Variants in CDCP1 observed in about 807,000 individuals in gnomAD.
CDCP1 encodes CUB domain-containing protein 1.
In CDCP1, 29 loss-of-function variants were observed where a neutral mutation model predicts 60.2. The ratio of observed to expected loss-of-function variants is 0.48; its 90% confidence interval spans 0.36 to 0.66. CDCP1 has a LOEUF of 0.66. CDCP1 is among the 30% of genes least tolerant of loss of function. The pLI is 0.00. For synonymous variants in CDCP1, 387 were observed against 431.1 expected (o/e 0.90, Z 1.27); for missense variants, 876 against 1,074.3 (o/e 0.82, Z 2.58).
chr3:45,134,604 T>C (rs1289349497), intron 1 of CDCP1, among the ~76,000 whole-genome samples: 1 of 152,190 alleles, frequency 6.6e-6, no homozygotes, highest in African/African-American at 2.4e-5. Context: ...GTTGCTGTTG[T>C]TGTGTCCAGC....
intron 7 of CDCP1, among the ~76,000 whole-genome samples, chr3:45,090,466 C>T (rs1322234515): frequency 3.3e-5 from 5 of 152,310 alleles, no homozygotes; most frequent in African/African-American, 1.2e-4. Context: ...AAACCATGTA[C>T]CTGTCAGACT....
chr3:45,127,962 G>A (rs1479264069), intron 1 of CDCP1, among the ~76,000 whole-genome samples: 1 of 152,148 alleles, frequency 6.6e-6, no homozygotes, highest in Non-Finnish European at 1.5e-5. Flanking sequence ...CAGGGCAGGT[G>A]ACCATCCCAT....
intron 4 of CDCP1, among the ~76,000 whole-genome samples, chr3:45,096,780 T>C (rs964163172): frequency 6.6e-6 from 1 of 152,052 alleles, no homozygotes; most frequent in Non-Finnish European, 1.5e-5. Flanking sequence ...TACAGACTTA[T>C]GTATGCAGAT....
In CDCP1 at chr3:45,146,290, C is replaced by G. The variant is rs1255086385; in HGVS notation, c.-3G>C. 2 of 1,570,984 alleles carry G rather than the reference C, an allele frequency of 1.3e-6. No individual in the cohort carries two copies. Among genetic ancestry groups the G allele is most frequent in the African/African-American group, 1.4e-5 (1 of 70,652 alleles). On this transcript the variant is annotated 5_prime_UTR_variant, in exon 1 of 9. Transcript: ENST00000296129. Reference sequence around the variant, plus strand: ...ACCCCGCAGTTCAGGCCGGCCATGACTCCGGGACGCCTCGGCCTCGGTGGG... The same window carrying G: ...ACCCCGCAGTTCAGGCCGGCCATGAGTCCGGGACGCCTCGGCCTCGGTGGG...
At chr3:45,095,084 C>A (rs544972546) in intron 5 of CDCP1, among the ~76,000 whole-genome samples, 3 of 152,206 alleles carry the variant, frequency 2.0e-5, no homozygotes, top group African/African-American at 7.2e-5. Flanking sequence ...TAGGCGCCTG[C>A]CACCATGCCC....
intron 1 of CDCP1, among the ~76,000 whole-genome samples, chr3:45,119,524 G>A (rs564721021): frequency 6.6e-6 from 1 of 152,298 alleles, no homozygotes; most frequent in East Asian, 1.9e-4. Context: ...CCTGTGGAGG[G>A]AGCCTAGGGG....
chr3:45,096,486 G>T (rs1698400678), intron 4 of CDCP1, among the ~76,000 whole-genome samples: 1 of 151,844 alleles, frequency 6.6e-6, no homozygotes, highest in African/African-American at 2.4e-5. Context: ...TTAGCTGGGT[G>T]TGGTGGTACA....
chr3:45,127,708 G>A (rs1249358318), intron 1 of CDCP1, among the ~76,000 whole-genome samples: 1 of 152,140 alleles, frequency 6.6e-6, no homozygotes, highest in East Asian at 1.9e-4. Context: ...GACCTGCCAG[G>A]ACCTGCCAAT....
At chr3:45,110,883 T>A (rs940171726) in intron 3 of CDCP1, 42 bp from the exon 4 acceptor site, 4 of 1,577,610 alleles carry the variant, frequency 2.5e-6, no homozygotes, top group Non-Finnish European at 3.4e-6. Context: ...TAGGGAGCCA[T>A]TAGACCCTGT....
Position 45,085,637 on chromosome 3 carries a change from G to A in CDCP1, c.*1C>T. Reference sequence around the variant, plus strand: ...CAGCAAAGCGTCTGGAATGGATCAAGTTATTCTGCTGGCTCCATGGGCTCC... The same window carrying A: ...CAGCAAAGCGTCTGGAATGGATCAAATTATTCTGCTGGCTCCATGGGCTCC... On this transcript the variant is annotated 3_prime_UTR_variant, in exon 9 of 9. Transcript: ENST00000296129. This position sits in a 1 kb window ranked among gnomAD's most constrained non-coding sequence, Gnocchi z 4.2. 1.2e-6 allele frequency: 2 copies of A among 1,609,490 alleles called. No individual in the cohort carries two copies. Among genetic ancestry groups the A allele is most frequent in the Non-Finnish European group, 1.7e-6 (2 of 1,176,766 alleles).
intron 4 of CDCP1, among the ~76,000 whole-genome samples, chr3:45,103,747 C>T (rs1698520669): frequency 6.6e-6 from 1 of 152,204 alleles, no homozygotes; most frequent in South Asian, 2.1e-4. Flanking sequence ...TTCACACATG[C>T]CCGTTTCCCT....
chr3:45,130,247 G>A (rs2126005828), intron 1 of CDCP1, among the ~76,000 whole-genome samples: 4 of 151,304 alleles, frequency 2.6e-5, no homozygotes, highest in Middle Eastern at 6.8e-3. Context: ...TCAGTCTCCT[G>A]GATAGCTGGG....
At chr3:45,087,592 A>G (rs932031910) in intron 8 of CDCP1, among the ~76,000 whole-genome samples, 1 of 152,192 alleles carries the variant, frequency 6.6e-6, no homozygotes, top group Non-Finnish European at 1.5e-5. Context: ...CATGTGTTAT[A>G]GGTACAGCCA....
At chr3:45,137,491 C>T (rs1194259104) in intron 1 of CDCP1, among the ~76,000 whole-genome samples, 1 of 151,938 alleles carries the variant, frequency 6.6e-6, no homozygotes, top group African/African-American at 2.4e-5. Flanking sequence ...CAAGATGATC[C>T]AAGCATTGTT....
At chr3:45,101,554 T>C (rs907466379) in intron 4 of CDCP1, among the ~76,000 whole-genome samples, 1 of 152,140 alleles carries the variant, frequency 6.6e-6, no homozygotes, top group Non-Finnish European at 1.5e-5. Flanking sequence ...TTCAAGATGA[T>C]AGTGAAGCTG....
At chr3:45,088,834 A>G (rs1322386363) in intron 8 of CDCP1, among the ~76,000 whole-genome samples, 2 of 152,132 alleles carry the variant, frequency 1.3e-5, no homozygotes, top group Non-Finnish European at 2.9e-5. Context: ...AACTACATAC[A>G]GGTGAAAATG....
Position 45,128,399 on chromosome 3 carries a change from C to T in CDCP1, c.83-9778G>A, listed in dbSNP as rs144294271. 2.2e-3 allele frequency among the ~76,000 whole-genome samples: 328 copies of T among 152,320 alleles called. 1 individual carries two copies. The highest frequency in any genetic ancestry group is 7.2e-3 in the African/African-American group (299 of 41,564). On this transcript the variant is annotated intron_variant, in intron 1 of 8. Transcript: ENST00000296129. Reference sequence around the variant, plus strand: ...GCTGGCATACAAAGATGAACAAGGCCGGGCTCCAACTTCCAGAATTATATC... The same window carrying T: ...GCTGGCATACAAAGATGAACAAGGCTGGGCTCCAACTTCCAGAATTATATC...
At chr3:45,111,440 C>G (rs1383109884) in intron 3 of CDCP1, among the ~76,000 whole-genome samples, 1 of 152,172 alleles carries the variant, frequency 6.6e-6, no homozygotes, top group African/African-American at 2.4e-5. Context: ...CTTTGGGAGG[C>G]CAAGGCAGGA....
intron 2 of CDCP1, among the ~76,000 whole-genome samples, chr3:45,116,780 C>G (rs1242851684): frequency 2.0e-5 from 3 of 152,150 alleles, no homozygotes; most frequent in Non-Finnish European, 4.4e-5. Context: ...TTCCAATCCC[C>G]TCCTTGGTTA....
Sources: allele counts gnomAD v4.1 joint callset (sites outside exome capture counted in the v4.1 genomes callset), GRCh38; gene constraint gnomAD v4.1.1; non-coding constraint Gnocchi (gnomAD v3.1); transcripts MANE v1.5; gene names NCBI Gene and HGNC (gene_info 2026-07-23, HGNC 2026-07-21).